Variants in NETO1 observed in about 807,000 individuals in gnomAD.
NETO1 encodes the protein neuropilin and tolloid like 1.
Under a neutral mutation model 61.3 loss-of-function variants are expected in NETO1, and 26 were observed. The ratio of observed to expected loss-of-function variants is 0.42; its 90% CI spans 0.31 to 0.59. The LOEUF (loss-of-function observed/expected upper bound fraction) is 0.59, where lower values mean the gene tolerates loss of function less well. NETO1 is among the 20% of genes least tolerant of loss of function. NETO1 has a pLI of 0.12. For missense variants in NETO1, 531 were observed against 662.8 expected, an observed-to-expected ratio of 0.80 and a Z score of 2.18; for synonymous variants, 225 against 225.8, an observed-to-expected ratio of 1.00 and a Z score of 0.03.
At chr18:72,785,845 C>T (rs931572568) in intron 6 of NETO1, among the ~76,000 whole-genome samples, 1 of 152,174 alleles carries the variant, frequency 6.6e-6, no homozygotes, top group Non-Finnish European at 1.5e-5. Context: ...TTTGTCAAGA[C>T]AGTTCAACGG....
intron 4 of NETO1, among the ~76,000 whole-genome samples, chr18:72,813,226 G>C (rs1417753038): frequency 1.3e-5 from 2 of 152,174 alleles, no homozygotes; most frequent in Non-Finnish European, 2.9e-5. Context: ...CAGGAGAACT[G>C]CACCTCAAAT....
At chr18:72,849,940 C>T (rs1168513387) in intron 4 of NETO1, among the ~76,000 whole-genome samples, 3 of 152,334 alleles carry the variant, frequency 2.0e-5, no homozygotes, top group Admixed American at 6.5e-5. Context: ...TCCCATCACC[C>T]GATCCTGACC....
At chr18:72,742,522 T>C (rs1045297291), downstream of NETO1, 2 of 152,186 alleles carry the variant, frequency 1.3e-5, no homozygotes, top group African/African-American at 2.4e-5. Context: ...TCACACGCTG[T>C]AAGGTGGAGA....
chr18:72,742,822 A>G (rs1475420846), downstream of NETO1: 2 of 152,218 alleles, frequency 1.3e-5, no homozygotes, highest in African/African-American at 4.8e-5. Flanking sequence ...AATTGCTAAG[A>G]TGACCAAGGA....
At chr18:72,774,001 G>C (rs1399633287) in intron 7 of NETO1, among the ~76,000 whole-genome samples, 1 of 151,668 alleles carries the variant, frequency 6.6e-6, no homozygotes, top group African/African-American at 2.4e-5. Context: ...TTTGTCACGA[G>C]TTAACATAAA....
rs1256863428 is a variant in NETO1 at position 72,867,300 on chromosome 18, G to A, written c.-9C>T. ...CTGCGCCCATGGATCATGTCTGTGCGTTACACCAGAGGCTCCGGGCTCCAC... is the reference window on the plus strand; with the variant it reads ...CTGCGCCCATGGATCATGTCTGTGCATTACACCAGAGGCTCCGGGCTCCAC... On this transcript the variant is annotated 5_prime_UTR_variant, in exon 1 of 11. The change creates a new upstream start codon in the 5' untranslated region. Coordinates refer to ENST00000327305, the MANE Select transcript of NETO1 (RefSeq NM_138966.5). The A allele has an allele frequency of 1.9e-6, 3 of 1,566,776 alleles. No individual in the cohort carries two copies. Among genetic ancestry groups the A allele is most frequent in the African/African-American group, 2.8e-5 (2 of 71,832 alleles).
At chr18:72,786,430 CT>C (rs1304885941) in intron 6 of NETO1, among the ~76,000 whole-genome samples, 1 of 152,148 alleles carries the variant, frequency 6.6e-6, no homozygotes, top group African/African-American at 2.4e-5. Flanking sequence ...GTGGAAAGCA[CT>C]TGAGTTGTAG....
intron 4 of NETO1, among the ~76,000 whole-genome samples, chr18:72,797,603 C>T (rs532232982): frequency 1.3e-5 from 2 of 152,336 alleles, no homozygotes; most frequent in East Asian, 3.9e-4. Context: ...GGATCTGTCC[C>T]TCAGCCTGTT....
At chr18:72,795,514 T>C (rs1190312627) in intron 4 of NETO1, among the ~76,000 whole-genome samples, 1 of 152,234 alleles carries the variant, frequency 6.6e-6, no homozygotes, top group Non-Finnish European at 1.5e-5. Flanking sequence ...TTATTACAAG[T>C]ACATAGTCAT....
rs35252443 is a variant in NETO1, at chr18:72,846,504, C to CAAAAAAAAAAAAAAAAAAAAAAA, written c.469+12299_469+12321dup. Among the ~76,000 whole-genome samples the CAAAAAAAAAAAAAAAAAAAAAAA allele has an allele frequency of 3.1e-4, 4 of 13,004 alleles. 2 individuals carry two copies. Among genetic ancestry groups the CAAAAAAAAAAAAAAAAAAAAAAA allele is most frequent in the African/African-American group, 6.1e-4 (2 of 3,280 alleles). The allele number at this position is 13,004 out of a possible 152,430, so 8.5% of individuals were successfully genotyped here. On this transcript the variant is annotated intron_variant, in intron 4 of 10. Transcript: ENST00000327305. ...TGGGCAATGGAGTGAGACTTCATCT[C>CAAAAAAAAAAAAAAAAAAAAAAA]AAAAAAAAAAAAAAAAAAAAAAAAA...
intron 4 of NETO1, among the ~76,000 whole-genome samples, chr18:72,857,514 A>C (rs8084573): frequency 0.34 from 51,561 of 151,988 alleles, 9,504 homozygotes; most frequent in East Asian, 0.67. Flanking sequence ...GATCACCAAA[A>C]CCAGAATGAA....
chr18:72,752,461 G>A (rs1256615094), intron 8 of NETO1, among the ~76,000 whole-genome samples: 3 of 152,142 alleles, frequency 2.0e-5, no homozygotes, highest in African/African-American at 7.2e-5. Flanking sequence ...CCTCTGTGGT[G>A]CAGCATCAGA....
intron 4 of NETO1, among the ~76,000 whole-genome samples, chr18:72,814,238 A>G (rs2072957694): frequency 6.6e-6 from 1 of 152,172 alleles, no homozygotes; most frequent in Admixed American, 6.5e-5. Context: ...TAATAAGAGT[A>G]AGGCAAAAAT....
chr18:72,785,862 A>G (rs1032103), intron 6 of NETO1, among the ~76,000 whole-genome samples: 52,335 of 152,040 alleles, frequency 0.34, 9,358 homozygotes, highest in Admixed American at 0.47. Context: ...ACGGTTGCAC[A>G]TCCAATGAAA....
At chr18:72,826,007 CATTG>C (rs2145341690) in intron 4 of NETO1, among the ~76,000 whole-genome samples, 1 of 152,096 alleles carries the variant, frequency 6.6e-6, no homozygotes, top group South Asian at 2.1e-4. Flanking sequence ...GTTGTAAACA[CATTG>C]ATTAGATCAA....
At chr18:72,795,235 G>A (rs1032868337) in intron 4 of NETO1, among the ~76,000 whole-genome samples, 71 of 152,292 alleles carry the variant, frequency 4.7e-4, no homozygotes, top group African/African-American at 1.7e-3. Flanking sequence ...ATATAAAGAT[G>A]AGCCTTTTAG....
intron 4 of NETO1, among the ~76,000 whole-genome samples, chr18:72,801,284 T>G (rs1787251655): frequency 6.7e-6 from 1 of 150,324 alleles, no homozygotes; most frequent in African/African-American, 2.4e-5. Flanking sequence ...ATACTCCAAT[T>G]ATGTGAAATT....
rs561893339 is a variant in NETO1, at chr18:72,843,462, T to A, written c.469+15364A>T. Among the ~76,000 whole-genome samples, 4 of 152,302 alleles carry A rather than the reference T, an allele frequency of 2.6e-5. No homozygotes were observed. The South Asian group carries it at 8.3e-4, about 32-fold the overall frequency. On this transcript the variant is annotated intron_variant, in intron 4 of 10. Transcript: ENST00000327305. ...CTGATAATAGAGATACTATGATATTTTCAAAAGTAGGTAGAAATAAATGAG... is the reference window on the plus strand; with the variant it reads ...CTGATAATAGAGATACTATGATATTATCAAAAGTAGGTAGAAATAAATGAG...
At chr18:72,814,575 G>C (rs962641066) in intron 4 of NETO1, among the ~76,000 whole-genome samples, 1 of 151,978 alleles carries the variant, frequency 6.6e-6, no homozygotes, top group Non-Finnish European at 1.5e-5. Flanking sequence ...AAGTAACAAA[G>C]ACCAGAAAAC....
Sources: allele counts gnomAD v4.1 joint callset (sites outside exome capture counted in the v4.1 genomes callset), GRCh38; gene constraint gnomAD v4.1.1; transcripts MANE v1.5; gene names NCBI Gene and HGNC (gene_info 2026-07-23, HGNC 2026-07-21).